BST1: variants seen among roughly 807,000 people sequenced by gnomAD.
BST1 encodes the protein ADP-ribosyl cyclase/cyclic ADP-ribose hydrolase 2.
A neutral mutation model predicts 40.6 loss-of-function variants in BST1; 49 were observed. The observed-to-expected ratio is 1.21, with a 90% confidence interval of 0.96 to 1.53. The LOEUF is 1.53. BST1 is among the 40% of genes most tolerant of loss of function. The probability of loss-of-function intolerance (pLI) is 0.00; values close to 1 mark genes in which losing one functional copy is unlikely to be tolerated. For missense variants in BST1, 423 were observed against 395.9 expected, an observed-to-expected ratio of 1.07 and a Z score of -0.58; for synonymous variants, 157 against 159.3, an observed-to-expected ratio of 0.99 and a Z score of 0.11.
chr4:15,749,935 C>CTT, the BST1 span, among the ~76,000 whole-genome samples: 8,546 of 137,692 alleles, frequency 0.062, 341 homozygotes, highest in East Asian at 0.16. Flanking sequence ...TCATTCTTTT[C>CTT]TTTTTTTTTT....
chr4:15,722,966 T>C (rs1720897501), intron 8 of BST1, 32 bp downstream of exon 8: 2 of 1,599,002 alleles, frequency 1.3e-6, no homozygotes, highest in Non-Finnish European at 1.7e-6. Context: ...AATCGTTCTT[T>C]CCAAAGATAA....
In BST1 at chr4:15,705,637, A is replaced by G. The variant is rs746233567; in HGVS notation, c.311A>G (p.Asp104Gly). Residue 104 changes from aspartate (D) to glycine (G), a missense_variant, in exon 2 of 9, where the codon GAT becomes GGT. Coordinates refer to ENST00000265016, the MANE Select transcript of BST1 (RefSeq NM_004334.3). ...INLSRHSIPR[D>G]KSLFWENSHL... Reference sequence around the variant, plus strand: ...TTGTCCAGGCACTCTATTCCCAGAGATAAGGTAACACCACAACCATCTTGG... The same window carrying G: ...TTGTCCAGGCACTCTATTCCCAGAGGTAAGGTAACACCACAACCATCTTGG... 1.1e-5 allele frequency: 18 copies of G among 1,613,928 alleles called. No individual in the cohort carries two copies. Among genetic ancestry groups the G allele is most frequent in the Non-Finnish European group, 1.5e-5 (18 of 1,179,942 alleles).
At chr4:15,754,642 C>T in the BST1 span, among the ~76,000 whole-genome samples, 1 of 152,144 alleles carries the variant, frequency 6.6e-6, no homozygotes, top group Non-Finnish European at 1.5e-5. Flanking sequence ...GATAAGCATG[C>T]CTGAAAAGAT....
At chr4:15,752,771 G>T in the BST1 span, among the ~76,000 whole-genome samples, 1 of 152,132 alleles carries the variant, frequency 6.6e-6, no homozygotes, top group African/African-American at 2.4e-5. Flanking sequence ...CAGGATCAAG[G>T]TGAGGGAAGA....
chr4:15,714,326 G>A (rs1720390770), intron 4 of BST1, among the ~76,000 whole-genome samples: 1 of 152,136 alleles, frequency 6.6e-6, no homozygotes, highest in Non-Finnish European at 1.5e-5. Context: ...AACATTTTAT[G>A]AGGGAAATTA....
At chr4:15,704,656 A>G (rs1719778890) in intron 1 of BST1, among the ~76,000 whole-genome samples, 2 of 151,958 alleles carry the variant, frequency 1.3e-5, no homozygotes, top group African/African-American at 4.8e-5. Context: ...GGTAGAGGTG[A>G]ACTGGGTAAC....
At chr4:15,740,335 G>T (rs1577606671), downstream of BST1, among the ~76,000 whole-genome samples, 1 of 152,148 alleles carries the variant, frequency 6.6e-6, no homozygotes, top group Non-Finnish European at 1.5e-5. Context: ...AGGATTATAG[G>T]CATGAGCCAC....
At chr4:15,750,403 A>T in the BST1 span, among the ~76,000 whole-genome samples, 2,127 of 152,324 alleles carry the variant, frequency 0.014, 56 homozygotes, top group African/African-American at 0.048. Context: ...TTCACTCAAC[A>T]TAAGCAAAGA....
downstream of BST1, among the ~76,000 whole-genome samples, chr4:15,735,159 C>G (rs1465323100): frequency 6.6e-6 from 1 of 152,210 alleles, no homozygotes; most frequent in Non-Finnish European, 1.5e-5. Context: ...TGTCTCCCAT[C>G]TGGCAGACTC....
chr4:15,743,292 C>T, downstream of BST1: 1 of 299,944 alleles, frequency 3.3e-6, no homozygotes, highest in South Asian at 3.8e-5. Flanking sequence ...TACAGACATA[C>T]CGACCAAACA....
At position 15,731,910 on chromosome 4, in the gene BST1, G is replaced by A. The variant is rs1360867250; in HGVS notation, c.*65G>A. ...GCCTCCCCTTGCAGTCATCATTCGT[G>A]TTCTGTGTATACCAAATGATTCTGT... On this transcript the variant is annotated 3_prime_UTR_variant, in exon 9 of 9. Coordinates refer to ENST00000265016, the MANE Select transcript of BST1 (RefSeq NM_004334.3). 2.6e-6 allele frequency: 4 copies of A among 1,555,312 alleles called. No homozygotes were observed. The highest frequency in any genetic ancestry group is 8.7e-7 in the Non-Finnish European group (1 of 1,149,982).
intron 4 of BST1, among the ~76,000 whole-genome samples, chr4:15,714,943 G>A (rs949538478): frequency 1.3e-5 from 2 of 152,216 alleles, no homozygotes; most frequent in Non-Finnish European, 2.9e-5. Context: ...TGTAGTGTGA[G>A]CATGATATAA....
At chr4:15,745,796 G>C in the BST1 span, among the ~76,000 whole-genome samples, 1 of 152,118 alleles carries the variant, frequency 6.6e-6, no homozygotes, top group African/African-American at 2.4e-5. Context: ...TATAATCTCA[G>C]TCCCAAATCT....
chr4:15,705,731 T>G, intron 2 of BST1, 90 bp downstream of exon 2: 1 of 1,491,246 alleles, frequency 6.7e-7, no homozygotes, highest in African/African-American at 1.4e-5. Flanking sequence ...AGCTGTCCCC[T>G]GCATCCTGCA....
At chr4:15,721,828 A>C (rs1438447551) in intron 7 of BST1, among the ~76,000 whole-genome samples, 1 of 152,214 alleles carries the variant, frequency 6.6e-6, no homozygotes, top group African/African-American at 2.4e-5. Context: ...AAATATGTGC[A>C]TCAAGTAGAC....
chr4:15,764,481 T>C, the BST1 span, among the ~76,000 whole-genome samples: 2 of 151,986 alleles, frequency 1.3e-5, no homozygotes, highest in Admixed American at 6.5e-5. Flanking sequence ...GGAAATCAAG[T>C]AAACATCTTA....
the BST1 span, among the ~76,000 whole-genome samples, chr4:15,764,863 A>C: frequency 9.5e-6 from 1 of 104,958 alleles, no homozygotes; most frequent in African/African-American, 3.5e-5. Context: ...AAGTGACTAG[A>C]ATTAGGTGAG....
intron 5 of BST1, among the ~76,000 whole-genome samples, 155 bp downstream of exon 5, chr4:15,715,516 G>C (rs535295445): frequency 1.4e-4 from 22 of 152,308 alleles, no homozygotes; most frequent in African/African-American, 2.4e-5. Flanking sequence ...CTGGTGATCA[G>C]AGCCATGTCT....
chr4:15,750,992 T>A, the BST1 span, among the ~76,000 whole-genome samples: 1 of 152,142 alleles, frequency 6.6e-6, no homozygotes, highest in African/African-American at 2.4e-5. Flanking sequence ...TCCACATGAT[T>A]TTCTATCCTC....
Sources: gnomAD v4.1 joint callset for allele counts (sites outside exome capture counted in the v4.1 genomes callset) on GRCh38, gnomAD v4.1.1 for gene constraint, MANE v1.5 for transcripts, NCBI Gene and HGNC (gene_info 2026-07-23, HGNC 2026-07-21) for gene names.